Variants in PEAK1 observed in about 807,000 individuals in gnomAD.
PEAK1 encodes the protein inactive tyrosine-protein kinase PEAK1.
In PEAK1, 54 loss-of-function variants were observed where a neutral mutation model predicts 124.7. That is an observed-to-expected ratio of 0.43 (90% confidence interval 0.35 to 0.54). The LOEUF (loss-of-function observed/expected upper bound fraction) is 0.54, where lower values mean the gene tolerates loss of function less well. Among genes scored for constraint, PEAK1 ranks in the 20% least tolerant of loss-of-function variants. The pLI is 0.01. For synonymous variants in PEAK1, 719 were observed against 760.0 expected, an observed-to-expected ratio of 0.95 and a Z score of 0.89; for missense variants, 2,046 against 2,134.5, an observed-to-expected ratio of 0.96 and a Z score of 0.82.
chr15:77,221,558 A>G (rs2059391121), intron 6 of PEAK1, among the ~76,000 whole-genome samples: 1 of 152,064 alleles, frequency 6.6e-6, no homozygotes, highest in African/African-American at 2.4e-5. Context: ...TATCCCATCA[A>G]CTAGAGTTCC....
intron 6 of PEAK1, among the ~76,000 whole-genome samples, chr15:77,241,590 A>G (rs1407949379): frequency 1.3e-5 from 2 of 152,256 alleles, no homozygotes; most frequent in African/African-American, 4.8e-5. Flanking sequence ...GAATCTACAA[A>G]AAACTTCTTA....
intron 6 of PEAK1, among the ~76,000 whole-genome samples, chr15:77,198,229 C>T (rs2058201046): frequency 6.6e-6 from 1 of 152,198 alleles, no homozygotes; most frequent in Non-Finnish European, 1.5e-5. Flanking sequence ...CCATGCGATG[C>T]TAATCATCTC....
In PEAK1 at chr15:77,133,854, G is replaced by A. The variant is rs1390771771; in HGVS notation, c.3332-104C>T. The A allele has an allele frequency of 2.4e-6, 3 of 1,243,092 alleles. No individual in the cohort carries two copies. Among genetic ancestry groups the A allele is most frequent in the African/African-American group, 1.5e-5 (1 of 65,906 alleles). 77.0% of individuals were successfully genotyped at this position (1,243,092 alleles called of 1,614,324 possible). ...AAATGAGTGAGGTAGCCATGGGAATGTAAGAATAAGTCAACTCTTTAGTTC... is the reference window on the plus strand; with the variant it reads ...AAATGAGTGAGGTAGCCATGGGAATATAAGAATAAGTCAACTCTTTAGTTC... On this transcript the variant is annotated intron_variant, in intron 8 of 9. Coordinates refer to ENST00000682557, the MANE Select transcript of PEAK1 (RefSeq NM_001385026.1). This position sits in a 1 kb window ranked among gnomAD's most constrained non-coding sequence, Gnocchi z 4.2.
chr15:77,337,485 A>G, intron 2 of PEAK1: 1 of 984,406 alleles, frequency 1.0e-6, no homozygotes, highest in South Asian at 4.7e-5. Flanking sequence ...ATTAATCTGA[A>G]TTCATCATCC....
At chr15:77,144,653 T>G (rs11632999) in intron 8 of PEAK1, among the ~76,000 whole-genome samples, 24,308 of 152,166 alleles carry the variant, frequency 0.16, 2,353 homozygotes, top group Middle Eastern at 0.28. Context: ...AATAGCAGGA[T>G]ACGATCTCCT....
intron 1 of PEAK1, among the ~76,000 whole-genome samples, chr15:77,381,623 C>G (rs931968860): frequency 2.0e-5 from 3 of 152,128 alleles, no homozygotes; most frequent in Non-Finnish European, 4.4e-5. Flanking sequence ...ATTCAACCAC[C>G]AGAAAATCAT....
intron 6 of PEAK1, among the ~76,000 whole-genome samples, chr15:77,216,423 C>T (rs1023612009): frequency 6.6e-6 from 1 of 152,144 alleles, no homozygotes; most frequent in Admixed American, 6.5e-5. Flanking sequence ...AAAAGAGTCC[C>T]TATCAGAGAA....
chr15:77,286,896 G>A (rs1263128967), intron 2 of PEAK1, among the ~76,000 whole-genome samples: 1 of 152,124 alleles, frequency 6.6e-6, no homozygotes, highest in Non-Finnish European at 1.5e-5. Context: ...CCTTTTGGGT[G>A]GAAGGTGAGT....
intron 1 of PEAK1, chr15:77,370,639 C>T: frequency 1.0e-6 from 1 of 954,278 alleles, no homozygotes; most frequent in Non-Finnish European, 1.2e-6. Context: ...TGAATGTTAC[C>T]AAAACCCACA....
In PEAK1 at chr15:77,347,221, C is replaced by G. The variant is rs965246941; in HGVS notation, c.-603+17942G>C. ...ATAAGATCTCTTCAAAGTGCCACGG[C>G]CATTTCAAAGTTATCTGCTGAGAAG... On this transcript the variant is annotated intron_variant, in intron 2 of 9. Coordinates refer to ENST00000682557, the MANE Select transcript of PEAK1 (RefSeq NM_001385026.1). The G allele has an allele frequency of 8.1e-6, 8 of 983,996 alleles. No homozygotes were observed. The Admixed American group carries it at 3.1e-4, about 38-fold the overall frequency. The allele number at this position is 983,996 out of a possible 1,614,324, so 61.0% of individuals were successfully genotyped here.
chr15:77,210,554 T>A (rs116754403), intron 6 of PEAK1, among the ~76,000 whole-genome samples: 1,690 of 152,292 alleles, frequency 0.011, 41 homozygotes, highest in African/African-American at 0.038. Context: ...AATAGGAATC[T>A]GAAGGAATAG....
At chr15:77,119,471 C>T (rs573703996) in intron 9 of PEAK1, among the ~76,000 whole-genome samples, 1 of 152,330 alleles carries the variant, frequency 6.6e-6, no homozygotes, top group African/African-American at 2.4e-5. Context: ...CACTTCCCAT[C>T]TGTAAGACAC....
At chr15:77,224,703 A>G (rs2059550146) in intron 6 of PEAK1, among the ~76,000 whole-genome samples, 1 of 152,104 alleles carries the variant, frequency 6.6e-6, no homozygotes, top group Non-Finnish European at 1.5e-5. Context: ...TGGAGTCCCC[A>G]GAATTTATAA....
chr15:77,132,785 T>C (rs1053980185), intron 9 of PEAK1, among the ~76,000 whole-genome samples: 3 of 151,980 alleles, frequency 2.0e-5, no homozygotes, highest in Admixed American at 6.6e-5. Flanking sequence ...TACCTCTATC[T>C]TTGCATGCAG....
At chr15:77,322,738 CAATT>C (rs1208042402) in intron 2 of PEAK1, among the ~76,000 whole-genome samples, 4 of 152,116 alleles carry the variant, frequency 2.6e-5, no homozygotes, top group Non-Finnish European at 5.9e-5. Context: ...GAAACTATTC[CAATT>C]AATAGAAAAA....
At chr15:77,226,070 T>TATGTA (rs2059653120) in intron 6 of PEAK1, among the ~76,000 whole-genome samples, 2 of 136,950 alleles carry the variant, frequency 1.5e-5, no homozygotes, top group Non-Finnish European at 3.2e-5. Flanking sequence ...TATATATATA[T>TATGTA]ATATATATAT....
chr15:77,173,183 C>T (rs964299398), intron 7 of PEAK1, among the ~76,000 whole-genome samples: 3 of 152,100 alleles, frequency 2.0e-5, no homozygotes, highest in Non-Finnish European at 4.4e-5. Flanking sequence ...TGTTTATGCA[C>T]CAACAATGCA....
intron 1 of PEAK1, among the ~76,000 whole-genome samples, chr15:77,408,592 A>T (rs2072135712): frequency 1.3e-5 from 2 of 152,068 alleles, no homozygotes; most frequent in African/African-American, 4.8e-5. Flanking sequence ...TTTTCAAATG[A>T]AGTAGAGAAC....
chr15:77,345,243 G>A (rs1012828730), intron 2 of PEAK1, among the ~76,000 whole-genome samples: 1 of 152,036 alleles, frequency 6.6e-6, no homozygotes, highest in African/African-American at 2.4e-5. Flanking sequence ...GTTTTTTATC[G>A]TGAAAGGGTG....
Sources: allele counts gnomAD v4.1 joint callset (sites outside exome capture counted in the v4.1 genomes callset), GRCh38; gene constraint gnomAD v4.1.1; non-coding constraint Gnocchi (gnomAD v3.1); transcripts MANE v1.5; gene names NCBI Gene and HGNC (gene_info 2026-07-23, HGNC 2026-07-21).